Variants in SATL1 observed in about 807,000 individuals in gnomAD.
The protein encoded by SATL1 is spermidine/spermine N(1)-acetyltransferase-like protein 1.
Under a neutral mutation model 51.8 loss-of-function variants are expected in SATL1, and 47 were observed. That is an observed-to-expected ratio of 0.91 (90% CI 0.72 to 1.16). The LOEUF is 1.16. Ranked by LOEUF, SATL1 falls within the 50% of genes most tolerant of loss-of-function variation. The probability of loss-of-function intolerance (pLI) is 0.00; values close to 1 mark genes in which losing one functional copy is unlikely to be tolerated. For missense variants in SATL1, 520 were observed against 526.4 expected (o/e 0.99, Z 0.12); for synonymous variants, 176 against 182.4 (o/e 0.97, Z 0.28).
chrX:85,196,164 T>C (rs1360699683), intron 2 of SATL1, among the ~76,000 whole-genome samples: 2 of 110,543 alleles, frequency 1.8e-5, no homozygotes, highest in South Asian at 7.6e-4. Context: ...AATCCTGAAA[T>C]GAAATTTAAA....
chrX:85,128,977 G>A (rs1356495584), intron 2 of SATL1, among the ~76,000 whole-genome samples: 1 of 111,524 alleles, frequency 9.0e-6, no homozygotes, highest in Non-Finnish European at 1.9e-5. Flanking sequence ...TGTTATTTCT[G>A]AGGGCTCTGT....
At chrX:85,095,129 T>C (rs1029596392) in intron 4 of SATL1, 133 bp from the exon 5 acceptor site, 2 of 446,407 alleles carry the variant, frequency 4.5e-6, no homozygotes, top group Admixed American at 6.9e-5. Flanking sequence ...AGTGAATATT[T>C]TGGAACTCTG....
chrX:85,105,031 G>C (rs1925004034), intron 3 of SATL1, among the ~76,000 whole-genome samples: 1 of 111,123 alleles, frequency 9.0e-6, no homozygotes, highest in African/African-American at 3.3e-5. Flanking sequence ...ATTACTTACA[G>C]TTTTATAATA....
chrX:85,127,794 A>T (rs761589174), intron 2 of SATL1, among the ~76,000 whole-genome samples: 6 of 110,034 alleles, frequency 5.5e-5, no homozygotes, highest in African/African-American at 2.0e-4. Context: ...ATCCCTCCCC[A>T]GTTCCCCCAC....
At position 85,198,881 on chromosome X, in the gene SATL1, C is replaced by T. The variant is rs779226565; in HGVS notation, c.-313+25324G>A. Among the ~76,000 whole-genome samples the T allele has an allele frequency of 8.3e-5, 9 of 108,964 alleles. No homozygotes were observed. The East Asian group carries it at 2.6e-3, about 31-fold the overall frequency. 94.6% of individuals were successfully genotyped at this position (108,964 alleles called of 115,157 possible). A position where few individuals can be genotyped will look rare whatever the true frequency, so the allele number is the denominator to read the frequency against. ...TTGAGATGGAGTCTTGCTCTGTCGC[C>T]AGGCTGGAGCGCAGTGACACAATCT... is the stretch of plus-strand genomic sequence containing the variant. On this transcript the variant is annotated intron_variant, in intron 2 of 7. Transcript: ENST00000644105.
intron 2 of SATL1, among the ~76,000 whole-genome samples, chrX:85,177,656 T>G (rs904153577): frequency 7.2e-5 from 8 of 111,701 alleles, no homozygotes; most frequent in Non-Finnish European, 1.3e-4. Context: ...CCTTCTAGAC[T>G]CTAAGTGTAA....
rs1569236988 is a variant in SATL1 at position 85,148,931 on chromosome X, C to A, written c.-312-39651G>T. ...ACTAACGAGCAAAATAACCAGCTAA[C>A]ATCATAATGACAGGATCAAATTCAC... On this transcript the variant is annotated intron_variant, in intron 2 of 7. Coordinates refer to ENST00000644105, the MANE Select transcript of SATL1 (RefSeq NM_001367857.2). Among the ~76,000 whole-genome samples the A allele has an allele frequency of 5.4e-5, 6 of 110,653 alleles. No individual in the cohort carries two copies. In the South Asian group the frequency reaches 2.4e-3, roughly 44 times the overall value.
intron 2 of SATL1, among the ~76,000 whole-genome samples, chrX:85,150,448 C>G (rs1270085153): frequency 9.2e-6 from 1 of 108,341 alleles, no homozygotes; most frequent in Non-Finnish European, 1.9e-5. Context: ...AGAGGGAATC[C>G]TCCCTAACTC....
Position 85,107,313 on chromosome X carries a change from T to C in SATL1, c.1641+15A>G. On this transcript the variant is annotated intron_variant, in intron 3 of 7. Coordinates refer to ENST00000644105, the MANE Select transcript of SATL1 (RefSeq NM_001367857.2). ...ACCAATGCCATGAGGCTCCATGTAA[T>C]AAAAATAGGCTTACTTTAATCAGTC... The C allele has an allele frequency of 5.9e-6, 7 of 1,193,805 alleles. No homozygotes were observed. Among genetic ancestry groups the C allele is most frequent in the Non-Finnish European group, 8.0e-6 (7 of 880,219 alleles).
rs1337859769 is a variant in SATL1, at chrX:85,166,935, A to ATATGTATG, written c.-313+57269_-313+57270insCATACATA. ...ATGGGGTATATATATATATATATAT[A>ATATGTATG]TGTGTATGTGTGTGTGTGTGTGTGT... On this transcript the variant is annotated intron_variant, in intron 2 of 7. Transcript: ENST00000644105. Among the ~76,000 whole-genome samples the ATATGTATG allele has an allele frequency of 4.6e-3, 386 of 84,662 alleles. 5 individuals are homozygous for ATATGTATG. The highest frequency in any genetic ancestry group is 0.019 in the African/African-American group (371 of 20,020). 73.5% of individuals were successfully genotyped at this position (84,662 alleles called of 115,157 possible). A position where few individuals can be genotyped will look rare whatever the true frequency, so the allele number is the denominator to read the frequency against.
At chrX:85,095,143 T>C (rs1924667389) in intron 4 of SATL1, 147 bp from the exon 5 acceptor site, 1 of 430,241 alleles carries the variant, frequency 2.3e-6, no homozygotes, top group East Asian at 3.8e-5. Flanking sequence ...AACTCTGGAG[T>C]TTATCTGAAC....
In SATL1 at chrX:85,092,560, A is replaced by C; in HGVS notation, c.1919T>G (p.Ile640Arg). The change falls in exon 8 of 8, where the codon ATA becomes AGA. Residue 640 changes from isoleucine to arginine, a missense_variant and splice_region_variant. Transcript: ENST00000644105. ...GAEMLKRLSQ[I>R]AITTQCNCMH... ...GCAGTTACATTGAGTTGTGATGGCT[A>C]TCTGTTTAAAAACAAACAAGCAAAT... The C allele has an allele frequency of 8.3e-7, 1 of 1,200,896 alleles. No homozygotes were observed. Among genetic ancestry groups the C allele is most frequent in the African/African-American group, 1.7e-5 (1 of 57,521 alleles).
At chrX:85,199,746 T>G (rs890062320) in intron 2 of SATL1, among the ~76,000 whole-genome samples, 2 of 111,557 alleles carry the variant, frequency 1.8e-5, no homozygotes, top group African/African-American at 6.5e-5. Flanking sequence ...CTCATGGAGA[T>G]AGAGTGTAGA....
intron 7 of SATL1, 64 bp from the exon 8 acceptor site, chrX:85,092,625 T>C (rs1034311789): frequency 2.3e-5 from 23 of 1,014,955 alleles, no homozygotes; most frequent in Non-Finnish European, 3.1e-5. Context: ...TTAACACATA[T>C]ATTTTATTGA....
intron 2 of SATL1, among the ~76,000 whole-genome samples, chrX:85,214,964 C>T (rs1460166575): frequency 8.9e-6 from 1 of 111,891 alleles, no homozygotes; most frequent in Non-Finnish European, 1.9e-5. Flanking sequence ...GGTTGCAGTC[C>T]AATGCTTACA....
chrX:85,151,309 A>G (rs1298687517), intron 2 of SATL1, among the ~76,000 whole-genome samples: 1 of 111,399 alleles, frequency 9.0e-6, no homozygotes, highest in East Asian at 2.8e-4. Context: ...GCTCAAGGAA[A>G]TAAAAAAGGA....
chrX:85,202,742 T>C (rs760972325), intron 2 of SATL1, among the ~76,000 whole-genome samples: 1 of 111,946 alleles, frequency 8.9e-6, no homozygotes, highest in African/African-American at 3.2e-5. Flanking sequence ...CCCTTTCTGG[T>C]GATGAGCCAT....
chrX:85,228,930 C>T (rs1391240464), intron 1 of SATL1, among the ~76,000 whole-genome samples: 4 of 111,588 alleles, frequency 3.6e-5, no homozygotes, highest in African/African-American at 6.5e-5. Context: ...TAACAAACAT[C>T]GTGAACTTAG....
rs1217682934 is a variant in SATL1 at position 85,187,919 on chromosome X, GT to G, written c.-313+36285del. ...GAATTTTCATTAATTTCTCTTTAAT[GT>G]TTTTTTTTTAAGTTCTAAACCTTTT... is the stretch of plus-strand genomic sequence containing the variant. On this transcript the variant is annotated intron_variant, in intron 2 of 7. Transcript: ENST00000644105. Among the ~76,000 whole-genome samples, 66 of 106,263 alleles carry G rather than the reference GT, an allele frequency of 6.2e-4. 1 individual carries two copies. The highest frequency in any genetic ancestry group is 4.1e-3 in the East Asian group (14 of 3,414). 92.3% of individuals were successfully genotyped at this position (106,263 alleles called of 115,157 possible). A position where few individuals can be genotyped will look rare whatever the true frequency, so the allele number is the denominator to read the frequency against.
Sources: gnomAD v4.1 joint callset for allele counts (sites outside exome capture counted in the v4.1 genomes callset) on GRCh38, gnomAD v4.1.1 for gene constraint, MANE v1.5 for transcripts, NCBI Gene and HGNC (gene_info 2026-07-23, HGNC 2026-07-21) for gene names.